The following PPL variants were observed in gnomAD, a reference collection of about 807,000 sequenced individuals.
PPL encodes periplakin.
A neutral mutation model predicts 194.4 loss-of-function variants in PPL; 198 were observed. The ratio of observed to expected loss-of-function variants is 1.02; its 90% CI spans 0.91 to 1.15. The LOEUF (loss-of-function observed/expected upper bound fraction) is 1.15. Ranked by LOEUF, PPL falls within the 50% of genes most tolerant of loss-of-function variation. PPL has a pLI of 0.00. For missense variants in PPL, 2,885 were observed against 2,294.8 expected (o/e 1.26, Z -5.25); for synonymous variants, 1,220 against 972.4 (o/e 1.25, Z -4.74).
chr16:4,932,550 A>G (rs1224222466), intron 1 of PPL, among the ~76,000 whole-genome samples: 1 of 151,266 alleles, frequency 6.6e-6, no homozygotes, highest in Non-Finnish European at 1.5e-5. Flanking sequence ...TCTGGCTGGG[A>G]TTACAGGTTT....
At position 4,893,315 on chromosome 16, in the gene PPL, G is replaced by T; in HGVS notation, c.1548C>A (p.Ser516Arg). The change falls in exon 14 of 22, where the codon AGC becomes AGA. Residue 516 changes from serine (S) to arginine (R), a missense_variant. Physicochemically the swap from Ser to Arg is moderately radical, Grantham distance 110 (BLOSUM62 -1). Coordinates refer to ENST00000345988, the MANE Select transcript of PPL (RefSeq NM_002705.5). ...TGGCCTTCTCCTGCCGGTCCAGGTC[G>T]CTGGCCACCTTGTCCAAGCCAGCCA... ...QLLAGLDKVA[S>R]DLDRQEKAIT... The T allele has an allele frequency of 6.2e-7, 1 of 1,607,806 alleles. No individual in the cohort carries two copies. Among genetic ancestry groups the T allele is most frequent in the Non-Finnish European group, 8.5e-7 (1 of 1,179,434 alleles).
chr16:4,909,099 G>A (rs903131342), intron 2 of PPL, among the ~76,000 whole-genome samples: 8 of 152,120 alleles, frequency 5.3e-5, no homozygotes, highest in Admixed American at 2.0e-4. Context: ...AGGCCCAGGG[G>A]GGCATGGAGG....
chr16:4,884,355 C>G lies in PPL; in HGVS notation c.4300G>C (p.Glu1434Gln), dbSNP rs1292230708. 15 of 1,612,404 alleles carry G rather than the reference C, an allele frequency of 9.3e-6. No homozygotes were observed. Among genetic ancestry groups the G allele is most frequent in the Admixed American group, 1.7e-5 (1 of 59,456 alleles). ...GTTACCTTCTCACGGGCCTCAGCTT[C>G]TTCCTGCTCCAGCGCTGCCAGCCGC... ...QQRLAALEQE[E>Q]AEAREKVTHT... Residue 1434 changes from glutamate to glutamine, a missense_variant, in exon 22 of 22, where the codon GAA (glutamate) becomes CAA (glutamine). Transcript: ENST00000345988. The surrounding 1 kb of genome is among the most constrained non-coding windows in gnomAD (Gnocchi z 5.7).
chr16:4,884,367 G>C lies in PPL; in HGVS notation c.4288C>G (p.Leu1430Val), dbSNP rs758497320. 1.2e-6 allele frequency: 2 copies of C among 1,612,054 alleles called. No homozygotes were observed. Among genetic ancestry groups the C allele is most frequent in the Non-Finnish European group, 8.5e-7 (1 of 1,179,622 alleles). The change falls in exon 22 of 22, where the codon CTG becomes GTG. Residue 1430 changes from leucine to valine, a missense_variant. By Grantham distance (32) the Leu-to-Val change is conservative (BLOSUM62 1). Transcript: ENST00000345988. The surrounding 1 kb of genome is among the most constrained non-coding windows in gnomAD (Gnocchi z 5.7). ...CGGGCCTCAGCTTCTTCCTGCTCCA[G>C]CGCTGCCAGCCGCTGCTGCAACCGC... is the stretch of plus-strand genomic sequence containing the variant. ...VQRLQQRLAA[L>V]EQEEAEAREK...
chr16:4,910,169 C>T (rs891473365), intron 2 of PPL, among the ~76,000 whole-genome samples: 3 of 152,174 alleles, frequency 2.0e-5, no homozygotes, highest in African/African-American at 7.2e-5. Context: ...CCCCATGTTA[C>T]AGAAAGGGAA....
chr16:4,927,275 T>C (rs891218838), intron 1 of PPL, among the ~76,000 whole-genome samples: 4 of 152,170 alleles, frequency 2.6e-5, no homozygotes, highest in African/African-American at 7.2e-5. Context: ...AGGCAACTGA[T>C]ACTGAAGAGA....
Position 4,882,960 on chromosome 16 carries a change from C to T in PPL, c.*424G>A. On this transcript the variant is annotated 3_prime_UTR_variant, in exon 22 of 22. Coordinates refer to ENST00000345988, the MANE Select transcript of PPL (RefSeq NM_002705.5). ...GAGATGTCATGCCAGGCAGCAGCCC[C>T]CACGGGCCCAGGCCTTTGTGGGGCA... 1 of 196,972 alleles carries T rather than the reference C, an allele frequency of 5.1e-6. No homozygotes were observed. The highest frequency in any genetic ancestry group is 1.0e-5 in the Non-Finnish European group (1 of 96,802). The allele number at this position is 196,972 out of a possible 1,614,324, so 12.2% of individuals were successfully genotyped here. A position where few individuals can be genotyped will look rare whatever the true frequency, so the allele number is the denominator to read the frequency against.
chr16:4,898,559 G>A (rs2088479592), intron 8 of PPL, among the ~76,000 whole-genome samples: 3 of 152,274 alleles, frequency 2.0e-5, no homozygotes, highest in African/African-American at 7.2e-5. Context: ...ATGTGAAGAC[G>A]GAGGAAGGGA....
chr16:4,888,629 C>T (rs1164046214), intron 19 of PPL: 1 of 338,094 alleles, frequency 3.0e-6, no homozygotes, highest in East Asian at 5.2e-5. Context: ...GCAGCTTTCC[C>T]CTTCCACTGG....
At chr16:4,896,862 T>C (rs2088440176) in intron 9 of PPL, among the ~76,000 whole-genome samples, 1 of 151,722 alleles carries the variant, frequency 6.6e-6, no homozygotes, top group Non-Finnish European at 1.5e-5. Flanking sequence ...CTTGAACTCC[T>C]GACCTCAGGT....
At chr16:4,916,594 C>T (rs1013506769) in intron 1 of PPL, among the ~76,000 whole-genome samples, 2 of 152,102 alleles carry the variant, frequency 1.3e-5, no homozygotes, top group African/African-American at 4.8e-5. Flanking sequence ...CAGCCTTGAC[C>T]TCCCAGTCTC....
chr16:4,933,274 G>A (rs535541570), intron 1 of PPL, among the ~76,000 whole-genome samples: 17 of 152,220 alleles, frequency 1.1e-4, no homozygotes, highest in South Asian at 6.2e-4. Context: ...CTGGGGTCCT[G>A]CCTCCCATGC....
intron 4 of PPL, among the ~76,000 whole-genome samples, chr16:4,901,414 C>T (rs1352550685): frequency 6.6e-6 from 1 of 152,212 alleles, no homozygotes; most frequent in East Asian, 1.9e-4. Context: ...GCTGGCCAGG[C>T]ATGGTGACTG....
Position 4,883,168 on chromosome 16 carries a change from A to T in PPL, c.*216T>A. ...TTGTCCAGTCATTGGAGGATGAAGT[A>T]CGTCACTCAGGGTGAATGATGGTTG... On this transcript the variant is annotated 3_prime_UTR_variant, in exon 22 of 22. Transcript: ENST00000345988. This position sits in a 1 kb window ranked among gnomAD's most constrained non-coding sequence, Gnocchi z 4.8. 1.7e-6 allele frequency: 1 copy of T among 593,574 alleles called. No homozygotes were observed. Among genetic ancestry groups the T allele is most frequent in the Non-Finnish European group, 2.9e-6 (1 of 340,598 alleles). The allele number at this position is 593,574 out of a possible 1,614,324, so 36.8% of individuals were successfully genotyped here. A position where few individuals can be genotyped will look rare whatever the true frequency, so the allele number is the denominator to read the frequency against.
chr16:4,883,731 A>G lies in PPL; in HGVS notation c.4924T>C (p.Ser1642Pro). 6.2e-7 allele frequency: 1 copy of G among 1,613,906 alleles called. No homozygotes were observed. The highest frequency in any genetic ancestry group is 8.5e-7 in the Non-Finnish European group (1 of 1,179,970). The change falls in exon 22 of 22, where the codon TCC becomes CCC. Residue 1642 changes from serine (S) to proline (P), a missense_variant. By Grantham distance (74) the Ser-to-Pro change is moderately conservative. Coordinates refer to ENST00000345988, the MANE Select transcript of PPL (RefSeq NM_002705.5). This position sits in a 1 kb window ranked among gnomAD's most constrained non-coding sequence, Gnocchi z 4.8. The part of the protein sequence containing the change: ...EIDELQKRLG[S>P]VAVKREQREN... ...CGCTGCTCCCGCTTGACGGCCACGGAGCCCAGGCGCTTCTGCAGCTCGTCG... is the reference window on the plus strand; with the variant it reads ...CGCTGCTCCCGCTTGACGGCCACGGGGCCCAGGCGCTTCTGCAGCTCGTCG...
intron 2 of PPL, 55 bp downstream of exon 2, chr16:4,910,795 G>A (rs2088802953): frequency 6.9e-7 from 1 of 1,448,860 alleles, no homozygotes; most frequent in Non-Finnish European, 9.7e-7. Context: ...TCCTGGTCCT[G>A]AACAGGGCTG....
chr16:4,932,853 A>G (rs1285139641), intron 1 of PPL, among the ~76,000 whole-genome samples: 1 of 152,080 alleles, frequency 6.6e-6, no homozygotes, highest in Non-Finnish European at 1.5e-5. Context: ...AGCCTCACCA[A>G]CTGGGGGTTG....
chr16:4,897,797 C>T (rs1279090046), intron 8 of PPL, 27 bp from the exon 9 acceptor site: 3 of 1,592,472 alleles, frequency 1.9e-6, no homozygotes, highest in Non-Finnish European at 2.6e-6. Flanking sequence ...GGGCCGGTCA[C>T]CACTGGGCAG....
At chr16:4,909,577 C>A (rs887263436) in intron 2 of PPL, among the ~76,000 whole-genome samples, 2 of 152,014 alleles carry the variant, frequency 1.3e-5, no homozygotes, top group African/African-American at 4.8e-5. Context: ...TAGGTGTGCA[C>A]CACCACGCCC....
Sources: allele counts gnomAD v4.1 joint callset (sites outside exome capture counted in the v4.1 genomes callset), GRCh38; gene constraint gnomAD v4.1.1; non-coding constraint Gnocchi (gnomAD v3.1); transcripts MANE v1.5; gene names NCBI Gene and HGNC (gene_info 2026-07-23, HGNC 2026-07-21).